The following FMN2 variants were observed in gnomAD, a reference collection of about 807,000 sequenced individuals.
FMN2 encodes the protein formin-2.
Under a neutral mutation model 142.3 loss-of-function variants are expected in FMN2, and 51 were observed. The ratio of observed to expected loss-of-function variants is 0.36; its 90% CI spans 0.29 to 0.45. FMN2 has a LOEUF of 0.45. Among genes scored for constraint, FMN2 ranks in the 20% least tolerant of loss-of-function variants. The pLI, the probability that FMN2 is intolerant of heterozygous loss-of-function variation, is 1.00. For synonymous variants in FMN2, 882 were observed against 869.8 expected, an observed-to-expected ratio of 1.01 and a Z score of -0.25; for missense variants, 1,936 against 2,122.8, an observed-to-expected ratio of 0.91 and a Z score of 1.73.
intron 2 of FMN2, chr1:240,143,427 C>T (rs1663281704): frequency 7.0e-7 from 1 of 1,432,112 alleles, no homozygotes; most frequent in African/African-American, 1.4e-5. Context: ...CCAGAACAGC[C>T]ACTCCCTGAT....
intron 6 of FMN2, among the ~76,000 whole-genome samples, chr1:240,243,476 A>G (rs1181406958): frequency 1.3e-5 from 2 of 152,110 alleles, no homozygotes; most frequent in African/African-American, 4.8e-5. Context: ...TTAATTTTAG[A>G]TGTTTATTTC....
intron 2 of FMN2, among the ~76,000 whole-genome samples, chr1:240,169,675 A>G (rs545715601): frequency 6.2e-4 from 94 of 152,016 alleles, no homozygotes; most frequent in Non-Finnish European, 1.1e-3. Flanking sequence ...TAGTCTTGCT[A>G]TCTCGTCCTG....
At chr1:240,399,680 G>T (rs1323999500) in intron 15 of FMN2, among the ~76,000 whole-genome samples, 2 of 152,178 alleles carry the variant, frequency 1.3e-5, no homozygotes, top group Non-Finnish European at 2.9e-5. Context: ...ATGCAGATAA[G>T]AGGGGGCTCC....
At chr1:240,294,943 G>A in intron 8 of FMN2, 60 bp downstream of exon 8, 1 of 1,451,334 alleles carries the variant, frequency 6.9e-7, no homozygotes, top group Non-Finnish European at 9.6e-7. Flanking sequence ...ACATGTCTAT[G>A]TGCACATATA....
intron 14 of FMN2, among the ~76,000 whole-genome samples, chr1:240,386,550 T>A (rs1222648034): frequency 2.0e-5 from 3 of 152,212 alleles, no homozygotes; most frequent in Non-Finnish European, 4.4e-5. Flanking sequence ...CATAGCCATT[T>A]GGAACAAGTT....
chr1:240,106,673 T>C (rs964404534), intron 1 of FMN2, among the ~76,000 whole-genome samples: 1 of 151,980 alleles, frequency 6.6e-6, no homozygotes, highest in South Asian at 2.1e-4. Context: ...TCCCCTCCTT[T>C]CCAGGAGGAT....
rs757520157 is a variant in FMN2 at position 240,093,766 on chromosome 1, TGTCA to T, written c.1615+48_1615+51del. 16 of 1,276,872 alleles carry T rather than the reference TGTCA, an allele frequency of 1.3e-5. No individual in the cohort carries two copies. The East Asian group carries it at 4.6e-4, about 37-fold the overall frequency. The allele number at this position is 1,276,872 out of a possible 1,614,324, so 79.1% of individuals were successfully genotyped here. A position where few individuals can be genotyped will look rare whatever the true frequency, so the allele number is the denominator to read the frequency against. On this transcript the variant is annotated intron_variant, in intron 1 of 17. Coordinates refer to ENST00000319653, the MANE Select transcript of FMN2 (RefSeq NM_020066.5). ...GCTGGCCTCCGGGTCTCAAGTCGCC[TGTCA>T]GTCAGGGCCTTCCCCTGCCACCCGC...
chr1:240,296,425 A>C (rs896532020), intron 8 of FMN2, among the ~76,000 whole-genome samples: 14 of 105,308 alleles, frequency 1.3e-4, no homozygotes, highest in Non-Finnish European at 2.1e-4. Flanking sequence ...TTTGGGTCTA[A>C]TATCTTTGAG....
chr1:240,340,304 G>A (rs1671703994), intron 13 of FMN2, among the ~76,000 whole-genome samples: 1 of 152,092 alleles, frequency 6.6e-6, no homozygotes, highest in African/African-American at 2.4e-5. Flanking sequence ...GTCCGGGCCG[G>A]GTGCAGTGGC....
At chr1:240,331,981 A>G (rs1175916502) in intron 11 of FMN2, among the ~76,000 whole-genome samples, 1 of 152,190 alleles carries the variant, frequency 6.6e-6, no homozygotes, top group Non-Finnish European at 1.5e-5. Flanking sequence ...GTACCATTGT[A>G]AAGTCAAAAA....
chr1:240,255,380 G>T (rs1668418548), intron 6 of FMN2, among the ~76,000 whole-genome samples: 1 of 152,106 alleles, frequency 6.6e-6, no homozygotes, highest in African/African-American at 2.4e-5. Flanking sequence ...TTGGATTTTT[G>T]ATAACTTCCC....
intron 2 of FMN2, among the ~76,000 whole-genome samples, chr1:240,141,058 C>G (rs567028147): frequency 6.6e-6 from 1 of 152,302 alleles, no homozygotes; most frequent in East Asian, 1.9e-4. Flanking sequence ...TCATTTACAA[C>G]AGAGTCTAAC....
At chr1:240,300,888 C>T (rs1670175432) in intron 8 of FMN2, among the ~76,000 whole-genome samples, 1 of 137,746 alleles carries the variant, frequency 7.3e-6, no homozygotes, top group Non-Finnish European at 1.5e-5. Flanking sequence ...TTGATACTTA[C>T]TGTGTGCATG....
At chr1:240,165,531 A>T (rs911522205) in intron 2 of FMN2, among the ~76,000 whole-genome samples, 1 of 152,104 alleles carries the variant, frequency 6.6e-6, no homozygotes, top group Non-Finnish European at 1.5e-5. Flanking sequence ...CTATTTTAAA[A>T]TGTGAGTCTG....
At chr1:240,420,014 T>C (rs529967507) in intron 15 of FMN2, among the ~76,000 whole-genome samples, 6 of 152,266 alleles carry the variant, frequency 3.9e-5, no homozygotes, top group African/African-American at 1.2e-4. Flanking sequence ...TTGGTTATTA[T>C]GGTAATTGTG....
At chr1:240,112,723 T>C (rs541116492) in intron 1 of FMN2, among the ~76,000 whole-genome samples, 15 of 152,350 alleles carry the variant, frequency 9.8e-5, no homozygotes, top group Admixed American at 1.3e-4. Flanking sequence ...GTGTGTTCTC[T>C]AGGCAGTGTC....
chr1:240,430,124 G>A (rs555022036), intron 15 of FMN2, among the ~76,000 whole-genome samples: 32 of 152,156 alleles, frequency 2.1e-4, no homozygotes, highest in African/African-American at 5.5e-4. Context: ...CTGACCTCAT[G>A]ATCCGCCCGC....
At chr1:240,315,890 C>A (rs1260663476) in intron 8 of FMN2, among the ~76,000 whole-genome samples, 10 of 152,082 alleles carry the variant, frequency 6.6e-5, no homozygotes, top group Admixed American at 5.9e-4. Context: ...TTAAGTGGCC[C>A]TTTAATAATG....
At position 240,160,435 on chromosome 1, in the gene FMN2, A is replaced by G. The variant is rs985236507; in HGVS notation, c.1783-17486A>G. 8.6e-5 allele frequency among the ~76,000 whole-genome samples: 13 copies of G among 150,384 alleles called. No individual in the cohort carries two copies. In the Admixed American group the frequency reaches 8.7e-4, roughly 10 times the overall value. The stretch of plus-strand genomic sequence containing the variant: ...GGTCAGCTTCACATTTAAAAGCCAC[A>G]TATTTTTCATTATATACATTGTATG... On this transcript the variant is annotated intron_variant, in intron 2 of 17. Coordinates refer to ENST00000319653, the MANE Select transcript of FMN2 (RefSeq NM_020066.5).
Sources: allele counts gnomAD v4.1 joint callset (sites outside exome capture counted in the v4.1 genomes callset), GRCh38; gene constraint gnomAD v4.1.1; transcripts MANE v1.5; gene names NCBI Gene and HGNC (gene_info 2026-07-23, HGNC 2026-07-21).